Variants in MAP3K2 observed in about 807,000 individuals in gnomAD.
MAP3K2 encodes MAP/ERK kinase kinase 2.
Under a neutral mutation model 80.3 loss-of-function variants are expected in MAP3K2, and 24 were observed. The ratio of observed to expected loss-of-function variants is 0.30; its 90% CI spans 0.22 to 0.42. MAP3K2 has a LOEUF of 0.42. Ranked by LOEUF, MAP3K2 falls within the 10% of genes least tolerant of loss-of-function variation. The pLI, the probability that MAP3K2 is intolerant of heterozygous loss-of-function variation, is 1.00. For synonymous variants in MAP3K2, 244 were observed against 253.7 expected, an observed-to-expected ratio of 0.96 and a Z score of 0.36; for missense variants, 608 against 750.1, an observed-to-expected ratio of 0.81 and a Z score of 2.21.
intron 6 of MAP3K2, 136 bp downstream of exon 6, chr2:127,330,256 A>T (rs1205703051): frequency 1.7e-6 from 1 of 588,836 alleles, no homozygotes; most frequent in African/African-American, 1.9e-5. Flanking sequence ...AAAGTATAGT[A>T]ATTAAAGGAT....
rs954525506 is a variant in MAP3K2, at chr2:127,364,197, C to T, written c.-65-21003G>A. On this transcript the variant is annotated intron_variant, in intron 1 of 16. Transcript: ENST00000682094. This position sits in a 1 kb window ranked among gnomAD's most constrained non-coding sequence, Gnocchi z 4.1. ...TGCTCATCCCTTGAATACCCATCTC[C>T]CCTCTCTTTAGTAAATCTTACTACT... is the stretch of plus-strand genomic sequence containing the variant. Among the ~76,000 whole-genome samples the T allele has an allele frequency of 6.6e-6, 1 of 152,144 alleles. No individual in the cohort carries two copies. Among genetic ancestry groups the T allele is most frequent in the Admixed American group, 6.5e-5 (1 of 15,268 alleles).
chr2:127,374,892 C>T (rs1449229398), intron 1 of MAP3K2, among the ~76,000 whole-genome samples: 3 of 152,056 alleles, frequency 2.0e-5, no homozygotes, highest in East Asian at 1.9e-4. Flanking sequence ...TAGAACGTAC[C>T]CAATCCAGCC....
chr2:127,314,437 G>C (rs1450635626), intron 15 of MAP3K2, among the ~76,000 whole-genome samples: 1 of 152,152 alleles, frequency 6.6e-6, no homozygotes, highest in Non-Finnish European at 1.5e-5. Context: ...ATTTGAATCA[G>C]GCCATCTGGC....
intron 1 of MAP3K2, among the ~76,000 whole-genome samples, chr2:127,351,564 ATAT>A (rs1404400811): frequency 6.6e-6 from 1 of 152,130 alleles, no homozygotes; most frequent in African/African-American, 2.4e-5. Context: ...CTCTCACCTT[ATAT>A]TCCAATCCAT....
At chr2:127,324,790 T>G (rs1686097624) in intron 9 of MAP3K2, among the ~76,000 whole-genome samples, 1 of 152,206 alleles carries the variant, frequency 6.6e-6, no homozygotes, top group South Asian at 2.1e-4. Context: ...TTTTCAGAAT[T>G]TGCTTTCATA....
intron 10 of MAP3K2, 34 bp from the exon 11 acceptor site, chr2:127,324,028 T>A: frequency 1.4e-5 from 15 of 1,102,984 alleles, no homozygotes; most frequent in Non-Finnish European, 1.7e-5. Context: ...ATCTTTTATT[T>A]AAAAAAAAAA....
chr2:127,353,539 C>G (rs535736997), intron 1 of MAP3K2, among the ~76,000 whole-genome samples: 4 of 148,336 alleles, frequency 2.7e-5, no homozygotes, highest in African/African-American at 1.0e-4. Context: ...GTGTCTCCGT[C>G]CAGCAGCTGC....
chr2:127,384,236 T>TATATATATATATA (rs1558993425), intron 1 of MAP3K2, among the ~76,000 whole-genome samples: 1 of 134,274 alleles, frequency 7.4e-6, no homozygotes, highest in African/African-American at 3.0e-5. Context: ...ATATATATAT[T>TATATATATATATA]GCTTTTTTAG....
At chr2:127,319,413 T>C (rs1471859944) in intron 12 of MAP3K2, among the ~76,000 whole-genome samples, 3 of 151,660 alleles carry the variant, frequency 2.0e-5, no homozygotes, top group Non-Finnish European at 4.4e-5. Context: ...AACCCTCTAG[T>C]CTGCCTCCCC....
intron 1 of MAP3K2, among the ~76,000 whole-genome samples, chr2:127,370,058 T>C (rs577794091): frequency 1.3e-5 from 2 of 148,464 alleles, no homozygotes; most frequent in South Asian, 4.2e-4. Flanking sequence ...CTAAGTAAGT[T>C]AGTTTACTTA....
At chr2:127,334,095 G>A (rs75396999) in intron 5 of MAP3K2, among the ~76,000 whole-genome samples, 5 of 151,960 alleles carry the variant, frequency 3.3e-5, no homozygotes, top group South Asian at 2.1e-4. Context: ...GTGAAACCTC[G>A]TCTCACACAA....
intron 9 of MAP3K2, among the ~76,000 whole-genome samples, chr2:127,324,990 AAATT>A (rs1686103282): frequency 6.6e-6 from 1 of 152,260 alleles, no homozygotes; most frequent in Admixed American, 6.5e-5. Flanking sequence ...CCAAGAATTT[AAATT>A]ATTTCTAATC....
rs2104793750 is a variant in MAP3K2, at chr2:127,300,563, A to G, written c.*7016T>C. The stretch of plus-strand genomic sequence containing the variant: ...AAAAGAACCATGTGAAATGTAAGAG[A>G]TGTCAGACATTAAAAGTATTTTTGG... On this transcript the variant is annotated 3_prime_UTR_variant, in exon 17 of 17. Coordinates refer to ENST00000682094, the MANE Select transcript of MAP3K2 (RefSeq NM_001371910.2). 2 of 152,308 alleles carry G rather than the reference A, an allele frequency of 1.3e-5. No individual in the cohort carries two copies. The highest frequency in any genetic ancestry group is 6.8e-3 in the Middle Eastern group (2 of 294). The allele number at this position is 152,308 out of a possible 1,614,324, so 9.4% of individuals were successfully genotyped here. A position where few individuals can be genotyped will look rare whatever the true frequency, so the allele number is the denominator to read the frequency against.
chr2:127,387,899 C>G lies in MAP3K2; in HGVS notation c.-513G>C. The stretch of plus-strand genomic sequence containing the variant: ...CCGTGCAACCCCCGAACGCTGCGCC[C>G]AGCGGCCGCGGCACCCTCGTCAGGC... On this transcript the variant is annotated 5_prime_UTR_variant, in exon 1 of 17. Coordinates refer to ENST00000682094, the MANE Select transcript of MAP3K2 (RefSeq NM_001371910.2). 1 of 982,126 alleles carries G rather than the reference C, an allele frequency of 1.0e-6. No homozygotes were observed. The highest frequency in any genetic ancestry group is 1.2e-6 in the Non-Finnish European group (1 of 827,108). The allele number at this position is 982,126 out of a possible 1,614,324, so 60.8% of individuals were successfully genotyped here.
intron 4 of MAP3K2, 50 bp from the exon 5 acceptor site, chr2:127,336,019 A>AAAG: frequency 2.6e-6 from 3 of 1,147,010 alleles, no homozygotes; most frequent in Non-Finnish European, 3.8e-6. Flanking sequence ...AAGTTAAATA[A>AAAG]TAAACTTGCA....
At chr2:127,344,873 T>G (rs574363662) in intron 1 of MAP3K2, among the ~76,000 whole-genome samples, 67 of 152,220 alleles carry the variant, frequency 4.4e-4, no homozygotes, top group African/African-American at 9.6e-4. Context: ...ACACTTTTTT[T>G]GGGGGACAGG....
At chr2:127,365,782 G>C (rs1558988635) in intron 1 of MAP3K2, among the ~76,000 whole-genome samples, 1 of 152,212 alleles carries the variant, frequency 6.6e-6, no homozygotes, top group Non-Finnish European at 1.5e-5. Flanking sequence ...CTGCTTCAAA[G>C]AGGCTGAATA....
intron 12 of MAP3K2, among the ~76,000 whole-genome samples, chr2:127,320,554 G>GA (rs1263045578): frequency 6.6e-6 from 1 of 151,904 alleles, no homozygotes; most frequent in African/African-American, 2.4e-5. Flanking sequence ...GAATGAGACA[G>GA]AAAAAATACT....
chr2:127,331,420 T>C (rs75352199), intron 5 of MAP3K2, among the ~76,000 whole-genome samples: 178 of 152,308 alleles, frequency 1.2e-3, no homozygotes, highest in African/African-American at 4.0e-3. Flanking sequence ...GCTGAATTAA[T>C]TTGGGGTCTC....
Sources: allele counts gnomAD v4.1 joint callset (sites outside exome capture counted in the v4.1 genomes callset), GRCh38; gene constraint gnomAD v4.1.1; non-coding constraint Gnocchi (gnomAD v3.1); transcripts MANE v1.5; gene names NCBI Gene and HGNC (gene_info 2026-07-23, HGNC 2026-07-21).